The following SLC35A3 variants were observed in gnomAD, a reference collection of about 807,000 sequenced individuals.
The protein encoded by SLC35A3 is solute carrier family 35 member A3.
Under a neutral mutation model 39.0 loss-of-function variants are expected in SLC35A3, and 26 were observed. The observed-to-expected ratio is 0.67, with a 90% CI of 0.49 to 0.92. The LOEUF is 0.92. SLC35A3 is among the 40% of genes least tolerant of loss of function. SLC35A3 has a pLI of 0.00. For missense variants in SLC35A3, 299 were observed against 371.6 expected (o/e 0.80, Z 1.61); for synonymous variants, 135 against 133.1 (o/e 1.01, Z -0.10).
rs1660657510 is a variant in SLC35A3, at chr1:100,023,042, A to G, written c.*566A>G. ...TTTTGGTTCAATTACATAAAAATTA[A>G]TATTCTGGGTCTGATCTGTCAGAGA... On this transcript the variant is annotated 3_prime_UTR_variant, in exon 8 of 8. Transcript: ENST00000533028. 6.6e-6 allele frequency: 1 copy of G among 152,422 alleles called. No homozygotes were observed. The highest frequency in any genetic ancestry group is 2.4e-5 in the African/African-American group (1 of 41,470). The allele number at this position is 152,422 out of a possible 1,614,324, so 9.4% of individuals were successfully genotyped here.
At chr1:100,015,509 G>A in intron 6 of SLC35A3, 89 bp downstream of exon 6, 2 of 1,374,240 alleles carry the variant, frequency 1.5e-6, no homozygotes, top group Non-Finnish European at 1.9e-6. Context: ...TGATGTGAGG[G>A]GGAAAAGGTC....
chr1:100,021,628 G>A (rs1175816505), intron 7 of SLC35A3, among the ~76,000 whole-genome samples: 1 of 151,724 alleles, frequency 6.6e-6, no homozygotes, highest in African/African-American at 2.4e-5. Flanking sequence ...CATGGTGACA[G>A]CACTGCACTC....
chr1:100,025,351 T>C lies in SLC35A3; in HGVS notation c.*2875T>C, dbSNP rs1044474727. On this transcript the variant is annotated 3_prime_UTR_variant, in exon 8 of 8. Coordinates refer to ENST00000533028, the MANE Select transcript of SLC35A3 (RefSeq NM_012243.3). ...TTTAGTCTGTTTCTATTTTAATAAT[T>C]TTAAAAAATTATACAAGCAAATTAG... is the stretch of plus-strand genomic sequence containing the variant. 6.6e-6 allele frequency: 1 copy of C among 152,224 alleles called. No homozygotes were observed. Among genetic ancestry groups the C allele is most frequent in the Admixed American group, 6.5e-5 (1 of 15,276 alleles). The allele number at this position is 152,224 out of a possible 1,614,324, so 9.4% of individuals were successfully genotyped here. A position where few individuals can be genotyped will look rare whatever the true frequency, so the allele number is the denominator to read the frequency against.
intron 1 of SLC35A3, among the ~76,000 whole-genome samples, chr1:99,973,084 G>A (rs1570557086): frequency 6.6e-6 from 1 of 152,168 alleles, no homozygotes; most frequent in Admixed American, 6.5e-5. Context: ...AAAGAATCTC[G>A]TTTGAAAGCC....
rs941457124 is a variant in SLC35A3, at chr1:100,031,050, A to G, written c.*8574A>G. 12 of 152,100 alleles carry G rather than the reference A, an allele frequency of 7.9e-5. No homozygotes were observed. Among genetic ancestry groups the G allele is most frequent in the African/African-American group, 2.7e-4 (11 of 41,414 alleles). 9.4% of individuals were successfully genotyped at this position (152,100 alleles called of 1,614,324 possible). A position where few individuals can be genotyped will look rare whatever the true frequency, so the allele number is the denominator to read the frequency against. ...ATGCCTCAAATTTCCATTATTTCATATTATTTTTCTCCATTTCCCTCGTGT... is the reference window on the plus strand; with the variant it reads ...ATGCCTCAAATTTCCATTATTTCATGTTATTTTTCTCCATTTCCCTCGTGT... On this transcript the variant is annotated 3_prime_UTR_variant, in exon 8 of 8. Coordinates refer to ENST00000533028, the MANE Select transcript of SLC35A3 (RefSeq NM_012243.3).
At position 100,002,772 on chromosome 1, in the gene SLC35A3, A is replaced by G. The variant is rs867325585; in HGVS notation, c.342+3357A>G. Among the ~76,000 whole-genome samples, 33 of 144,908 alleles carry G rather than the reference A, an allele frequency of 2.3e-4. No homozygotes were observed. In the Middle Eastern group the frequency reaches 0.021, roughly 91 times the overall value. On this transcript the variant is annotated intron_variant, in intron 3 of 7. Transcript: ENST00000533028. ...GCTGAGAATATAGGCATGTGCTACC[A>G]TGCCGGTTAATTTTTTTTTTTTTGT...
chr1:100,010,722 T>C (rs1240538273), intron 4 of SLC35A3, among the ~76,000 whole-genome samples: 1 of 152,108 alleles, frequency 6.6e-6, no homozygotes, highest in Non-Finnish European at 1.5e-5. Context: ...AAGATCAAAC[T>C]GAGGAGGGAA....
At chr1:99,989,450 A>G (rs1657948995) in intron 1 of SLC35A3, among the ~76,000 whole-genome samples, 1 of 151,510 alleles carries the variant, frequency 6.6e-6, no homozygotes, top group Admixed American at 6.6e-5. Flanking sequence ...TGCCTGGCTA[A>G]TTTTTGTATT....
At position 100,026,525 on chromosome 1, in the gene SLC35A3, T is replaced by G. The variant is rs1660920564; in HGVS notation, c.*4049T>G. On this transcript the variant is annotated 3_prime_UTR_variant, in exon 8 of 8. Coordinates refer to ENST00000533028, the MANE Select transcript of SLC35A3 (RefSeq NM_012243.3). ...ATTTTTAAGAATAAATACATTTCTA[T>G]TTTTTTGGTTGTTTCAACATTAGCT... 1 of 152,140 alleles carries G rather than the reference T, an allele frequency of 6.6e-6. No individual in the cohort carries two copies. Among genetic ancestry groups the G allele is most frequent in the South Asian group, 2.1e-4 (1 of 4,830 alleles). The allele number at this position is 152,140 out of a possible 1,614,324, so 9.4% of individuals were successfully genotyped here.
At chr1:99,998,181 A>C (rs571807949) in intron 2 of SLC35A3, among the ~76,000 whole-genome samples, 1 of 114,830 alleles carries the variant, frequency 8.7e-6, no homozygotes, top group South Asian at 2.7e-4. Context: ...TGAGATGGGG[A>C]TCTTGTTCTT....
At chr1:99,970,489 T>A in intron 1 of SLC35A3, 1 of 1,380,392 alleles carries the variant, frequency 7.2e-7, no homozygotes, top group South Asian at 1.2e-5. Flanking sequence ...GCGGAGCTAG[T>A]GACGGGTGGG....
rs144994129 is a variant in SLC35A3 at position 99,994,500 on chromosome 1, C to T, written c.187+759C>T. 2.9e-3 allele frequency among the ~76,000 whole-genome samples: 447 copies of T among 152,286 alleles called. 2 individuals are homozygous for T. Among genetic ancestry groups the T allele is most frequent in the African/African-American group, 9.8e-3 (406 of 41,544 alleles). On this transcript the variant is annotated intron_variant, in intron 2 of 7. Transcript: ENST00000533028. Reference sequence around the variant, plus strand: ...GTAACCTCTAATTCACTTTCTGGCTCTATGAATTTGCCTATTCTAAATATT... The same window carrying T: ...GTAACCTCTAATTCACTTTCTGGCTTTATGAATTTGCCTATTCTAAATATT...
intron 1 of SLC35A3, chr1:99,970,720 C>A: frequency 1.1e-6 from 1 of 946,382 alleles, no homozygotes. Context: ...GGGTGCATTG[C>A]TTTATAGTAA....
chr1:99,979,988 G>A (rs1657363037), intron 1 of SLC35A3, among the ~76,000 whole-genome samples: 1 of 150,922 alleles, frequency 6.6e-6, no homozygotes, highest in Non-Finnish European at 1.5e-5. Flanking sequence ...AAGTTGCAGT[G>A]AGCCGAGATC....
chr1:100,010,371 A>G (rs1659542479), intron 4 of SLC35A3, among the ~76,000 whole-genome samples: 1 of 152,232 alleles, frequency 6.6e-6, no homozygotes, highest in African/African-American at 2.4e-5. Flanking sequence ...TATGAAAAGT[A>G]CAGTTTCAGA....
chr1:100,003,438 A>AAAAAAAAAAAG (rs1329391996), intron 3 of SLC35A3, among the ~76,000 whole-genome samples: 1 of 148,916 alleles, frequency 6.7e-6, no homozygotes, highest in African/African-American at 2.5e-5. Flanking sequence ...AAAAAAAAAA[A>AAAAAAAAAAAG]AGAGAAGAGG....
At chr1:99,987,432 A>C (rs1289905881) in intron 1 of SLC35A3, among the ~76,000 whole-genome samples, 1 of 152,136 alleles carries the variant, frequency 6.6e-6, no homozygotes, top group South Asian at 2.1e-4. Context: ...TTTTTCCAAT[A>C]GTTATAATCT....
chr1:99,978,361 A>T (rs1452513403), intron 1 of SLC35A3, among the ~76,000 whole-genome samples: 1 of 152,102 alleles, frequency 6.6e-6, no homozygotes. Flanking sequence ...TTACAGATAA[A>T]AAAAAATTTA....
intron 4 of SLC35A3, among the ~76,000 whole-genome samples, chr1:100,010,509 A>G (rs964966890): frequency 6.6e-6 from 1 of 152,112 alleles, no homozygotes; most frequent in Non-Finnish European, 1.5e-5. Context: ...CCTGGGCAAC[A>G]TGGCAGAACC....
Sources: gnomAD v4.1 joint callset for allele counts (sites outside exome capture counted in the v4.1 genomes callset) on GRCh38, gnomAD v4.1.1 for gene constraint, MANE v1.5 for transcripts, NCBI Gene and HGNC (gene_info 2026-07-23, HGNC 2026-07-21) for gene names.